The following ZNF266 variants were observed in gnomAD, a reference collection of about 807,000 sequenced individuals.
ZNF266 encodes zinc finger protein 1.
ZNF266 carries 16 observed loss-of-function variants against 16.4 expected under a neutral mutation model. The ratio of observed to expected loss-of-function variants is 0.98; its 90% confidence interval spans 0.66 to 1.48. The LOEUF (loss-of-function observed/expected upper bound fraction) is 1.48. Among genes scored for constraint, ZNF266 ranks in the 40% most tolerant of loss-of-function variants. The probability of loss-of-function intolerance (pLI) is 0.00; values close to 1 mark genes in which losing one functional copy is unlikely to be tolerated. For synonymous variants in ZNF266, 262 were observed against 237.9 expected, an observed-to-expected ratio of 1.10 and a Z score of -0.93; for missense variants, 738 against 689.1, an observed-to-expected ratio of 1.07 and a Z score of -0.79.
At chr19:9,429,060 T>C (rs1423869520) in intron 5 of ZNF266, among the ~76,000 whole-genome samples, 2 of 152,144 alleles carry the variant, frequency 1.3e-5, no homozygotes, top group Admixed American at 6.6e-5. Context: ...AAATACATAA[T>C]GCTAGCGCCT....
In ZNF266 at chr19:9,414,162, G is replaced by T. The variant is rs773926444; in HGVS notation, c.964C>A (p.Leu322Ile). ...GTGTGAGTTTTTCTGTGCTGAGTAAGTTGACAAGACCTGGTGAAGGCTTTC... is the reference window on the plus strand; with the variant it reads ...GTGTGAGTTTTTCTGTGCTGAGTAATTTGACAAGACCTGGTGAAGGCTTTC... ...CGKAFTRSCQ[L>I]TQHRKTHTGE... The change falls in exon 11 of 11, where the codon CTT (leucine) becomes ATT (isoleucine). Residue 322 changes from leucine (L) to isoleucine (I), a missense_variant. Coordinates refer to ENST00000592904, the MANE Select transcript of ZNF266 (RefSeq NM_001370374.1). 3 of 1,613,884 alleles carry T rather than the reference G, an allele frequency of 1.9e-6. No homozygotes were observed. The highest frequency in any genetic ancestry group is 2.2e-5 in the South Asian group (2 of 91,078).
intron 5 of ZNF266, among the ~76,000 whole-genome samples, chr19:9,431,699 A>C (rs1157751899): frequency 6.6e-6 from 1 of 152,056 alleles, no homozygotes; most frequent in Non-Finnish European, 1.5e-5. Flanking sequence ...GCCTTGAAAC[A>C]CTGCTTCAAT....
chr19:9,427,969 A>G (rs2071010778), intron 5 of ZNF266, among the ~76,000 whole-genome samples: 1 of 110,174 alleles, frequency 9.1e-6, no homozygotes, highest in Non-Finnish European at 2.0e-5. Flanking sequence ...CCTCGAAGAA[A>G]AAAAAAAGAA....
rs370436339 is a variant in ZNF266 at position 9,415,618 on chromosome 19, A to C, written c.405+36T>G. On this transcript the variant is annotated intron_variant, in intron 10 of 10. Transcript: ENST00000592904. Reference sequence around the variant, plus strand: ...ATAATGGAATCCCCAATCATCTCTAAATGTGAAAACTAAGACGTATCCTTG... The same window carrying C: ...ATAATGGAATCCCCAATCATCTCTACATGTGAAAACTAAGACGTATCCTTG... The C allele has an allele frequency of 4.0e-4, 606 of 1,526,600 alleles. 1 individual carries two copies. Among genetic ancestry groups the C allele is most frequent in the Non-Finnish European group, 5.3e-4 (584 of 1,103,810 alleles). 94.6% of individuals were successfully genotyped at this position (1,526,600 alleles called of 1,614,324 possible). A position where few individuals can be genotyped will look rare whatever the true frequency, so the allele number is the denominator to read the frequency against.
intron 5 of ZNF266, among the ~76,000 whole-genome samples, chr19:9,426,669 A>G (rs975591383): frequency 1.3e-5 from 2 of 152,208 alleles, no homozygotes; most frequent in African/African-American, 2.4e-5. Context: ...GAAAAAAATA[A>G]AAGGTAACTA....
rs2072085120 is a variant in ZNF266, at chr19:9,434,174, T to C, written c.-348A>G. On this transcript the variant is annotated 5_prime_UTR_variant, in exon 4 of 11. It adds an upstream start codon to the 5' untranslated region. Transcript: ENST00000592904. ...CAGCTCTTATTTCCTTCCCCTTCAG[T>C]ATGGCTAAATCATACCATATTTTTG... The C allele has an allele frequency of 6.6e-6, 1 of 152,238 alleles. No homozygotes were observed. Among genetic ancestry groups the C allele is most frequent in the African/African-American group, 2.4e-5 (1 of 41,454 alleles). The allele number at this position is 152,238 out of a possible 1,614,324, so 9.4% of individuals were successfully genotyped here. A position where few individuals can be genotyped will look rare whatever the true frequency, so the allele number is the denominator to read the frequency against.
Position 9,414,531 on chromosome 19 carries a change from T to C in ZNF266, c.595A>G (p.Ser199Gly), listed in dbSNP as rs2068694314. The change falls in exon 11 of 11, where the codon AGT becomes GGT. Residue 199 changes from serine (S) to glycine (G), a missense_variant. Ser to Gly is a moderately conservative substitution (Grantham distance 56). Transcript: ENST00000592904. ...TSTGEQRSVF[S>G]QCGKAFSLNP... is the part of the protein sequence containing the mutation. ...AGGCTGAAGGCTTTTCCACACTGAC[T>C]AAATACAGAACGTTGCTCTCCAGTA... 1.2e-6 allele frequency: 2 copies of C among 1,614,134 alleles called. No homozygotes were observed. The highest frequency in any genetic ancestry group is 1.7e-6 in the Non-Finnish European group (2 of 1,179,960).
chr19:9,414,508 G>A lies in ZNF266; in HGVS notation c.618C>T (p.Ser206=). Residue 206 remains serine, a synonymous_variant, in exon 11 of 11, where the codon AGC becomes AGT. Coordinates refer to ENST00000592904, the MANE Select transcript of ZNF266 (RefSeq NM_001370374.1). Reference sequence around the variant, plus strand: ...TCTGGCAAACAACATCTGGGTTCAGGCTGAAGGCTTTTCCACACTGACTAA... The same window carrying A: ...TCTGGCAAACAACATCTGGGTTCAGACTGAAGGCTTTTCCACACTGACTAA... ...SVFSQCGKAF[S]LNPDVVCQRT... 6.2e-7 allele frequency: 1 copy of A among 1,614,188 alleles called. No homozygotes were observed. Among genetic ancestry groups the A allele is most frequent in the Non-Finnish European group, 8.5e-7 (1 of 1,180,020 alleles).
chr19:9,425,298 T>TCCATCAGCCCCCGAGAGCAGCCTC (rs2070571993), intron 5 of ZNF266, among the ~76,000 whole-genome samples: 2 of 152,220 alleles, frequency 1.3e-5, no homozygotes, highest in African/African-American at 4.8e-5. Flanking sequence ...TCTCTGGACT[T>TCCATCAGCCCCCGAGAGCAGCCTC]CCATCAGCCC....
At chr19:9,420,557 C>T (rs1437093699) in intron 5 of ZNF266, 1 of 152,146 alleles carries the variant, frequency 6.6e-6, no homozygotes, top group Non-Finnish European at 1.5e-5. Context: ...AGTTCAAGAC[C>T]AGCCTGGGCA....
chr19:9,423,651 T>C (rs2070267280), intron 5 of ZNF266, among the ~76,000 whole-genome samples: 1 of 152,132 alleles, frequency 6.6e-6, no homozygotes, highest in African/African-American at 2.4e-5. Flanking sequence ...CTTTGAGTCA[T>C]AAAGCCTTCC....
At chr19:9,432,976 A>T (rs1020678444) in intron 5 of ZNF266, among the ~76,000 whole-genome samples, 1 of 152,188 alleles carries the variant, frequency 6.6e-6, no homozygotes, top group African/African-American at 2.4e-5. Flanking sequence ...TTCATTCTCC[A>T]ATCCACCTAT....
chr19:9,421,467 C>T (rs1032086700), intron 5 of ZNF266, among the ~76,000 whole-genome samples: 1 of 152,186 alleles, frequency 6.6e-6, no homozygotes, highest in Non-Finnish European at 1.5e-5. Context: ...TTTTGACAAT[C>T]GCATACACTT....
At chr19:9,427,511 G>C (rs957970369) in intron 5 of ZNF266, among the ~76,000 whole-genome samples, 2 of 151,782 alleles carry the variant, frequency 1.3e-5, no homozygotes, top group Non-Finnish European at 2.9e-5. Flanking sequence ...ATTTTAAGTA[G>C]AGACAGGGTT....
Position 9,413,390 on chromosome 19 carries a change from C to T in ZNF266, c.1736G>A (p.Arg579Gln), listed in dbSNP as rs146314378. 6.6e-5 allele frequency: 106 copies of T among 1,613,942 alleles called. No homozygotes were observed. The highest frequency in any genetic ancestry group is 8.6e-5 in the Non-Finnish European group (102 of 1,180,000). Residue 579 changes from arginine (R) to glutamine (Q), a missense_variant, in exon 11 of 11, where the codon CGA becomes CAA. Arg to Gln is a conservative substitution (Grantham distance 43). Transcript: ENST00000592904. ...ATAGGGTTTCTCTCCAGTGTGAGTTCGTTCATGTAACTGAAACGAATTGGA... is the reference window on the plus strand; with the variant it reads ...ATAGGGTTTCTCTCCAGTGTGAGTTTGTTCATGTAACTGAAACGAATTGGA... ...SYSNSFQLHE[R>Q]THTGEKPYEC...
At chr19:9,429,393 T>C (rs1184248068) in intron 5 of ZNF266, among the ~76,000 whole-genome samples, 2 of 152,044 alleles carry the variant, frequency 1.3e-5, no homozygotes, top group Non-Finnish European at 2.9e-5. Context: ...CAAAAACATG[T>C]TGTCAGGTAC....
chr19:9,418,681 T>G, intron 7 of ZNF266, 50 bp from the exon 8 acceptor site: 2 of 937,974 alleles, frequency 2.1e-6, no homozygotes, highest in Non-Finnish European at 3.5e-6. Context: ...TGTCTACCAG[T>G]GTTCACTGCA....
chr19:9,413,429 T>A lies in ZNF266; in HGVS notation c.1697A>T (p.Lys566Ile). 1 of 1,614,144 alleles carries A rather than the reference T, an allele frequency of 6.2e-7. No individual in the cohort carries two copies. Among genetic ancestry groups the A allele is most frequent in the Non-Finnish European group, 8.5e-7 (1 of 1,180,016 alleles). Reference protein sequence around the residue: ...EKPYKCKQCGKSFSYSNSFQL... With the variant: ...EKPYKCKQCGISFSYSNSFQL... The stretch of plus-strand genomic sequence containing the variant: ...AAACGAATTGGAGTAACTGAAGGAT[T>A]TCCCACACTGTTTACATTTGTAGGG... The change falls in exon 11 of 11, where the codon AAA becomes ATA. Residue 566 changes from lysine (K) to isoleucine (I), a missense_variant. Transcript: ENST00000592904.
At chr19:9,424,291 G>A (rs7258744) in intron 5 of ZNF266, among the ~76,000 whole-genome samples, 88,099 of 151,358 alleles carry the variant, frequency 0.58, 26,065 homozygotes, top group African/African-American at 0.66. Flanking sequence ...TTATCAAAGG[G>A]AAACTGTGGC....
Sources: gnomAD v4.1 joint callset for allele counts (sites outside exome capture counted in the v4.1 genomes callset) on GRCh38, gnomAD v4.1.1 for gene constraint, MANE v1.5 for transcripts, NCBI Gene and HGNC (gene_info 2026-07-23, HGNC 2026-07-21) for gene names.